The following KIAA1217 variants were observed in gnomAD, a reference collection of about 807,000 sequenced individuals.
KIAA1217 encodes sickle tail protein homolog.
Under a neutral mutation model 163.9 loss-of-function variants are expected in KIAA1217, and 88 were observed. The ratio of observed to expected loss-of-function variants is 0.54; its 90% confidence interval spans 0.45 to 0.64. The LOEUF (loss-of-function observed/expected upper bound fraction) is 0.64, where lower values mean the gene tolerates loss of function less well. Among genes scored for constraint, KIAA1217 ranks in the 30% least tolerant of loss-of-function variants. The pLI is 0.00. For synonymous variants in KIAA1217, 903 were observed against 923.1 expected, an observed-to-expected ratio of 0.98 and a Z score of 0.39; for missense variants, 2,372 against 2,475.0, an observed-to-expected ratio of 0.96 and a Z score of 0.88.
chr10:23,826,743 C>T (rs991279532), intron 1 of KIAA1217, among the ~76,000 whole-genome samples: 2 of 152,104 alleles, frequency 1.3e-5, no homozygotes, highest in African/African-American at 4.8e-5. Flanking sequence ...TAAAGCTCTT[C>T]TTCGACTCCT....
chr10:23,772,059 T>A (rs1490073478), intron 1 of KIAA1217, among the ~76,000 whole-genome samples: 1 of 152,232 alleles, frequency 6.6e-6, no homozygotes, highest in Non-Finnish European at 1.5e-5. Flanking sequence ...AAGTGTGATT[T>A]AAATGTTAGT....
intron 4 of KIAA1217, among the ~76,000 whole-genome samples, chr10:24,434,544 C>T (rs1332166861): frequency 6.6e-6 from 1 of 152,096 alleles, no homozygotes; most frequent in African/African-American, 2.4e-5. Flanking sequence ...CCTATGTTAC[C>T]CAGGCTGGTC....
Position 24,260,531 on chromosome 10 carries a change from A to G in KIAA1217, c.354+40622A>G, listed in dbSNP as rs190665476. Among the ~76,000 whole-genome samples, 353 of 147,776 alleles carry G rather than the reference A, an allele frequency of 2.4e-3. 1 individual carries two copies. Among genetic ancestry groups the G allele is most frequent in the Middle Eastern group, 0.014 (4 of 280 alleles). ...TTGGGAGGCTGAGTCAGAAGGATCA[A>G]TTGAGTCCAGAAGCTCGAGACGATC... On this transcript the variant is annotated intron_variant, in intron 2 of 20. Coordinates refer to ENST00000376454, the MANE Select transcript of KIAA1217 (RefSeq NM_019590.5).
At chr10:24,111,795 G>T (rs915130086) in intron 2 of KIAA1217, among the ~76,000 whole-genome samples, 2 of 152,080 alleles carry the variant, frequency 1.3e-5, no homozygotes, top group Non-Finnish European at 2.9e-5. Context: ...TTGCGACAGG[G>T]TCTTGGCTGT....
intron 1 of KIAA1217, among the ~76,000 whole-genome samples, chr10:23,967,505 A>G (rs2131384171): frequency 6.6e-6 from 1 of 152,342 alleles, no homozygotes; most frequent in East Asian, 1.9e-4. Flanking sequence ...GCCAATACAT[A>G]AATGCAATGA....
chr10:23,948,009 G>A (rs1844137665), intron 1 of KIAA1217, among the ~76,000 whole-genome samples: 1 of 152,126 alleles, frequency 6.6e-6, no homozygotes, highest in South Asian at 2.1e-4. Context: ...CACCTAATCT[G>A]ATATGTTATC....
chr10:24,164,524 G>A (rs2065257495), intron 2 of KIAA1217, among the ~76,000 whole-genome samples: 3 of 152,168 alleles, frequency 2.0e-5, no homozygotes, highest in Non-Finnish European at 4.4e-5. Context: ...AATAGTTCTT[G>A]GTGTAGAGTG....
intron 2 of KIAA1217, among the ~76,000 whole-genome samples, chr10:24,230,507 T>TG (rs1564308004): frequency 3.0e-5 from 4 of 134,954 alleles, no homozygotes; most frequent in Non-Finnish European, 4.7e-5. Context: ...GTTTTGTTTT[T>TG]TTTTTTTTTT....
At chr10:23,970,259 T>A (rs1845259549) in intron 1 of KIAA1217, among the ~76,000 whole-genome samples, 1 of 152,252 alleles carries the variant, frequency 6.6e-6, no homozygotes, top group Non-Finnish European at 1.5e-5. Flanking sequence ...TTTATAGTTT[T>A]AGCTCTTACA....
chr10:24,066,521 C>A (rs990191205), intron 2 of KIAA1217, among the ~76,000 whole-genome samples: 3 of 152,194 alleles, frequency 2.0e-5, no homozygotes, highest in Admixed American at 1.3e-4. Context: ...ATCTGTTAGT[C>A]TGATGGGTTT....
At chr10:23,733,891 C>A (rs138431465) in intron 1 of KIAA1217, among the ~76,000 whole-genome samples, 1 of 151,990 alleles carries the variant, frequency 6.6e-6, no homozygotes, top group Non-Finnish European at 1.5e-5. Flanking sequence ...TGCATTTTGT[C>A]TTTTATAAAT....
intron 2 of KIAA1217, among the ~76,000 whole-genome samples, chr10:24,010,409 T>C (rs574477482): frequency 1.3e-5 from 2 of 152,182 alleles, no homozygotes; most frequent in South Asian, 2.1e-4. Flanking sequence ...GTTCAACCCA[T>C]CTCTTCCTGC....
intron 1 of KIAA1217, among the ~76,000 whole-genome samples, chr10:24,215,658 G>T (rs1393216576): frequency 6.6e-6 from 1 of 152,154 alleles, no homozygotes; most frequent in Non-Finnish European, 1.5e-5. Flanking sequence ...TCCTTAAATG[G>T]CTGGAATGGC....
intron 2 of KIAA1217, among the ~76,000 whole-genome samples, chr10:24,355,732 T>C (rs1189650964): frequency 3.6e-5 from 2 of 56,174 alleles, no homozygotes; most frequent in African/African-American, 1.3e-4. Context: ...CTCACTCTTT[T>C]TTTTTTTTTT....
intron 1 of KIAA1217, among the ~76,000 whole-genome samples, chr10:23,797,550 C>T (rs1333312530): frequency 6.6e-6 from 1 of 152,066 alleles, no homozygotes; most frequent in African/African-American, 2.4e-5. Flanking sequence ...GTTCCACAGG[C>T]TGTACAGGAA....
At chr10:23,851,310 A>C (rs1019583873) in intron 1 of KIAA1217, among the ~76,000 whole-genome samples, 3 of 152,038 alleles carry the variant, frequency 2.0e-5, no homozygotes, top group Admixed American at 1.3e-4. Context: ...GATGATTTCC[A>C]ATTTCATCCA....
chr10:24,377,289 G>A (rs562934846), intron 2 of KIAA1217, among the ~76,000 whole-genome samples: 4 of 152,288 alleles, frequency 2.6e-5, no homozygotes, highest in Admixed American at 2.0e-4. Context: ...GGAGATTGGT[G>A]TCATGGATCT....
chr10:24,117,763 C>T (rs2063117043), intron 2 of KIAA1217, among the ~76,000 whole-genome samples: 1 of 152,210 alleles, frequency 6.6e-6, no homozygotes, highest in Admixed American at 6.5e-5. Flanking sequence ...CAGAGTCCTG[C>T]TTTCTTCATA....
chr10:24,522,640 A>G (rs2071457901), intron 12 of KIAA1217, among the ~76,000 whole-genome samples: 1 of 152,236 alleles, frequency 6.6e-6, no homozygotes, highest in African/African-American at 2.4e-5. Flanking sequence ...TTCACTGCAA[A>G]GAAAATTCCA....
Sources: allele counts gnomAD v4.1 joint callset (sites outside exome capture counted in the v4.1 genomes callset), GRCh38; gene constraint gnomAD v4.1.1; transcripts MANE v1.5; gene names NCBI Gene and HGNC (gene_info 2026-07-23, HGNC 2026-07-21).